ADCY8: variants seen among roughly 807,000 people sequenced by gnomAD.
ADCY8 encodes adenylate cyclase 8.
A neutral mutation model predicts 119.7 loss-of-function variants in ADCY8; 51 were observed. That is an observed-to-expected ratio of 0.43 (90% CI 0.34 to 0.54). The LOEUF is 0.54. ADCY8 is among the 20% of genes least tolerant of loss of function. The pLI, the probability that ADCY8 is intolerant of heterozygous loss-of-function variation, is 0.03. For synonymous variants in ADCY8, 665 were observed against 651.0 expected (o/e 1.02, Z -0.33); for missense variants, 1,383 against 1,598.8 (o/e 0.87, Z 2.30).
rs76555521 is a variant in ADCY8, at chr8:130,979,748, G to T, written c.1110+10645C>A. ...ACCCACTTCATAGGATTTATCTGAG[G>T]ATTGAATGAAGTAATCTATGTGAAG... is the stretch of plus-strand genomic sequence containing the variant. On this transcript the variant is annotated intron_variant, in intron 2 of 17. Transcript: ENST00000286355. Among the ~76,000 whole-genome samples the T allele has an allele frequency of 1.3e-3, 204 of 152,268 alleles. 4 individuals carry two copies. In the East Asian group the frequency reaches 0.034, roughly 25 times the overall value.
chr8:131,007,924 C>T (rs1479264143), intron 1 of ADCY8, among the ~76,000 whole-genome samples: 2 of 152,112 alleles, frequency 1.3e-5, no homozygotes, highest in African/African-American at 2.4e-5. Flanking sequence ...GTCACATGAA[C>T]AGCTGATTTT....
Position 130,800,423 on chromosome 8 carries a change from T to A in ADCY8, c.3060+3A>T. On this transcript the variant is annotated splice_donor_region_variant and intron_variant, in intron 15 of 17. Coordinates refer to ENST00000286355, the MANE Select transcript of ADCY8 (RefSeq NM_001115.3). Reference sequence around the variant, plus strand: ...ATTGTAAATGTCTCAGGCTTAGATTTACCTCATCGAAGTCAGCAATGATCT... The same window carrying A: ...ATTGTAAATGTCTCAGGCTTAGATTAACCTCATCGAAGTCAGCAATGATCT... 1 of 1,614,202 alleles carries A rather than the reference T, an allele frequency of 6.2e-7. No individual in the cohort carries two copies. Among genetic ancestry groups the A allele is most frequent in the Non-Finnish European group, 8.5e-7 (1 of 1,180,022 alleles).
chr8:130,846,534 T>C (rs375739047), intron 11 of ADCY8, among the ~76,000 whole-genome samples: 12 of 109,962 alleles, frequency 1.1e-4, no homozygotes, highest in African/African-American at 2.0e-4. Context: ...CTCCCTCCCT[T>C]CCTTCCTTCC....
chr8:130,980,907 C>T (rs1822219672), intron 2 of ADCY8, among the ~76,000 whole-genome samples: 1 of 152,148 alleles, frequency 6.6e-6, no homozygotes, highest in Admixed American at 6.5e-5. Flanking sequence ...GATTCACTAG[C>T]CTATCTACTG....
intron 5 of ADCY8, among the ~76,000 whole-genome samples, chr8:130,932,644 G>T (rs1463133964): frequency 1.3e-5 from 2 of 152,144 alleles, no homozygotes; most frequent in Non-Finnish European, 2.9e-5. Context: ...CATCTCACCT[G>T]ATTTCCTTAG....
At chr8:130,828,005 A>T (rs1451749508) in intron 12 of ADCY8, among the ~76,000 whole-genome samples, 1 of 152,132 alleles carries the variant, frequency 6.6e-6, no homozygotes, top group Non-Finnish European at 1.5e-5. Context: ...CCTTTCAAGG[A>T]GGACTTAGCC....
intron 14 of ADCY8, among the ~76,000 whole-genome samples, chr8:130,812,054 C>T (rs1230672631): frequency 2.6e-5 from 4 of 152,160 alleles, no homozygotes; most frequent in Non-Finnish European, 5.9e-5. Context: ...ATTCTATATC[C>T]TAAAGGTGTC....
chr8:130,886,894 G>T (rs1819004771), intron 7 of ADCY8, among the ~76,000 whole-genome samples: 2 of 152,056 alleles, frequency 1.3e-5, no homozygotes, highest in South Asian at 4.1e-4. Flanking sequence ...AAATAGTTTG[G>T]GGATTGATTT....
intron 12 of ADCY8, among the ~76,000 whole-genome samples, chr8:130,824,403 G>A (rs550142657): frequency 1.2e-4 from 18 of 152,126 alleles, no homozygotes; most frequent in African/African-American, 3.9e-4. Context: ...ATTAGCTAGC[G>A]AACAGTGAAG....
chr8:130,874,354 T>TAAATTAAA (rs1300412408), intron 8 of ADCY8, among the ~76,000 whole-genome samples: 44 of 136,070 alleles, frequency 3.2e-4, no homozygotes, highest in Admixed American at 6.0e-4. Context: ...AATAAATAAA[T>TAAATTAAA]AAAATACACC....
intron 3 of ADCY8, 141 bp downstream of exon 3, chr8:130,951,727 T>A: frequency 1.0e-6 from 1 of 984,988 alleles, no homozygotes; most frequent in Admixed American, 2.9e-5. Context: ...CTCTGATGAA[T>A]AATCACTAGG....
chr8:130,847,978 CAGG>C (rs1477382101), intron 10 of ADCY8, among the ~76,000 whole-genome samples: 13 of 152,306 alleles, frequency 8.5e-5, no homozygotes, highest in African/African-American at 3.1e-4. Flanking sequence ...GAAGTTGCTG[CAGG>C]AGATTTTGTG....
At chr8:130,958,974 C>T (rs1821518981) in intron 2 of ADCY8, among the ~76,000 whole-genome samples, 1 of 152,202 alleles carries the variant, frequency 6.6e-6, no homozygotes, top group South Asian at 2.1e-4. Context: ...CCTAGAATAA[C>T]ACCTGGTTTA....
intron 8 of ADCY8, among the ~76,000 whole-genome samples, chr8:130,872,056 G>A (rs573300667): frequency 6.6e-6 from 1 of 152,142 alleles, no homozygotes; most frequent in South Asian, 2.1e-4. Flanking sequence ...ATAGTCAGTT[G>A]GTGGCAAAAT....
chr8:130,804,727 A>G (rs1815889440), intron 14 of ADCY8, among the ~76,000 whole-genome samples: 1 of 151,946 alleles, frequency 6.6e-6, no homozygotes, highest in Admixed American at 6.5e-5. Context: ...ATTCTAATGA[A>G]TGCCAGCTCC....
chr8:130,915,491 C>T (rs924130625), intron 5 of ADCY8, among the ~76,000 whole-genome samples: 6 of 152,058 alleles, frequency 3.9e-5, no homozygotes, highest in Admixed American at 6.5e-5. Flanking sequence ...AAAGCAGGCC[C>T]GGATCTGACA....
chr8:130,901,398 A>G (rs146813608), intron 7 of ADCY8, among the ~76,000 whole-genome samples: 1 of 152,192 alleles, frequency 6.6e-6, no homozygotes, highest in Non-Finnish European at 1.5e-5. Context: ...GCCATTAAAC[A>G]TATTTCTAAG....
intron 8 of ADCY8, among the ~76,000 whole-genome samples, chr8:130,877,068 C>T (rs1434955412): frequency 6.6e-6 from 1 of 152,152 alleles, no homozygotes; most frequent in Non-Finnish European, 1.5e-5. Context: ...GAAGTTGTGA[C>T]ACTTAAGTAA....
At chr8:130,955,703 T>C (rs1325338309) in intron 2 of ADCY8, among the ~76,000 whole-genome samples, 1 of 152,216 alleles carries the variant, frequency 6.6e-6, no homozygotes, top group Non-Finnish European at 1.5e-5. Context: ...ATTAAGAAAC[T>C]TTACAACTGC....
Sources: allele counts gnomAD v4.1 joint callset (sites outside exome capture counted in the v4.1 genomes callset), GRCh38; gene constraint gnomAD v4.1.1; transcripts MANE v1.5; gene names NCBI Gene and HGNC (gene_info 2026-07-23, HGNC 2026-07-21).